PALM2AKAP2: variants seen among roughly 807,000 people sequenced by gnomAD.
PALM2AKAP2 encodes the protein PALM2 and AKAP2 fusion, also known as PALM2-AKAP2 fusion protein.
A neutral mutation model predicts 71.5 loss-of-function variants in PALM2AKAP2; 37 were observed. The ratio of observed to expected loss-of-function variants is 0.52; its 90% CI spans 0.40 to 0.68. The LOEUF (loss-of-function observed/expected upper bound fraction) is 0.68, where lower values mean the gene tolerates loss of function less well. Ranked by LOEUF, PALM2AKAP2 falls within the 30% of genes least tolerant of loss-of-function variation. The pLI is 0.00. For missense variants in PALM2AKAP2, 1,224 were observed against 1,191.8 expected, an observed-to-expected ratio of 1.03 and a Z score of -0.40; for synonymous variants, 468 against 478.8, an observed-to-expected ratio of 0.98 and a Z score of 0.29.
At chr9:110,036,880 C>T (rs1458330492) in intron 7 of PALM2AKAP2, among the ~76,000 whole-genome samples, 1 of 152,144 alleles carries the variant, frequency 6.6e-6, no homozygotes, top group Non-Finnish European at 1.5e-5. Context: ...TCCTTCCATT[C>T]TCCAGGTCTC....
chr9:109,982,920 G>T (rs922676262), intron 6 of PALM2AKAP2, among the ~76,000 whole-genome samples: 4 of 152,178 alleles, frequency 2.6e-5, no homozygotes, highest in Admixed American at 6.5e-5. Context: ...CACTGCACCT[G>T]GTCTTTAGTC....
intron 7 of PALM2AKAP2, among the ~76,000 whole-genome samples, chr9:110,038,596 AG>A (rs1256601878): frequency 2.0e-5 from 3 of 151,958 alleles, no homozygotes; most frequent in African/African-American, 7.3e-5. Flanking sequence ...TTTTGCTTTG[AG>A]GGGAAACAGG....
upstream of PALM2AKAP2, among the ~76,000 whole-genome samples, chr9:109,778,415 C>CT (rs1197944663): frequency 6.9e-6 from 1 of 145,020 alleles, no homozygotes; most frequent in African/African-American, 2.9e-5. Flanking sequence ...TGTGAGCAAA[C>CT]CCCTTTAAAT....
At chr9:110,163,485 C>T (rs985539416) in intron 3 of PALM2AKAP2, among the ~76,000 whole-genome samples, 17 of 152,164 alleles carry the variant, frequency 1.1e-4, no homozygotes, top group Admixed American at 1.1e-3. Flanking sequence ...TCCCAGTTCC[C>T]TCCTCCCTTA....
intron 6 of PALM2AKAP2, among the ~76,000 whole-genome samples, chr9:110,007,411 G>A (rs180948847): frequency 6.6e-6 from 1 of 152,294 alleles, no homozygotes; most frequent in East Asian, 1.9e-4. Context: ...CAAAATCTGA[G>A]CATCAACAAA....
chr9:109,721,359 T>C (rs932054688), intron 1 of PALM2AKAP2, among the ~76,000 whole-genome samples: 2 of 152,224 alleles, frequency 1.3e-5, no homozygotes, highest in African/African-American at 4.8e-5. Context: ...GGTGGCAGAT[T>C]CTGAGGACAA....
chr9:109,689,192 TTTCTTTTC>T (rs1407220978), intron 1 of PALM2AKAP2, among the ~76,000 whole-genome samples: 6 of 109,692 alleles, frequency 5.5e-5, no homozygotes, highest in African/African-American at 2.4e-4. Context: ...TACCTTCTTT[TTTCTTTTC>T]TTTTTTTTTT....
exon 2 of PALM2AKAP2, chr9:110,136,489 G>C: frequency 6.2e-7 from 1 of 1,614,142 alleles, no homozygotes; most frequent in African/African-American, 1.3e-5. Flanking sequence ...CTGGTGCAGT[G>C]GTTCTGGTGG....
At chr9:110,160,123 T>C (rs1358502374) in intron 3 of PALM2AKAP2, among the ~76,000 whole-genome samples, 1 of 152,142 alleles carries the variant, frequency 6.6e-6, no homozygotes, top group African/African-American at 2.4e-5. Flanking sequence ...AAGGCCTTTG[T>C]GTGAATTAGG....
chr9:109,823,896 C>T (rs1828076021), intron 1 of PALM2AKAP2, among the ~76,000 whole-genome samples: 1 of 152,144 alleles, frequency 6.6e-6, no homozygotes, highest in South Asian at 2.1e-4. Flanking sequence ...TTGAACCACA[C>T]TTTATTTTTT....
At chr9:109,931,128 G>A (rs1831091558) in intron 5 of PALM2AKAP2, among the ~76,000 whole-genome samples, 1 of 152,206 alleles carries the variant, frequency 6.6e-6, no homozygotes, top group South Asian at 2.1e-4. Flanking sequence ...GGTGTACCCA[G>A]ATTTGTCTTG....
intron 1 of PALM2AKAP2, among the ~76,000 whole-genome samples, chr9:109,801,176 A>G (rs1026088538): frequency 1.3e-5 from 2 of 152,230 alleles, no homozygotes; most frequent in Non-Finnish European, 2.9e-5. Flanking sequence ...TCCTAAAAGT[A>G]TAGCACCATG....
At chr9:110,022,290 A>T (rs199964229) in intron 7 of PALM2AKAP2, among the ~76,000 whole-genome samples, 1 of 152,078 alleles carries the variant, frequency 6.6e-6, no homozygotes, top group East Asian at 1.9e-4. Flanking sequence ...TGAGCCCAGG[A>T]TTTCAACCCT....
intron 1 of PALM2AKAP2, among the ~76,000 whole-genome samples, chr9:109,736,762 C>T (rs1255598341): frequency 6.6e-6 from 1 of 152,116 alleles, no homozygotes; most frequent in East Asian, 1.9e-4. Context: ...ACCTTCCACT[C>T]TCCCGCCATC....
intron 6 of PALM2AKAP2, among the ~76,000 whole-genome samples, chr9:109,990,671 C>G (rs186471993): frequency 1.0e-3 from 152 of 152,322 alleles, no homozygotes; most frequent in African/African-American, 3.6e-3. Context: ...CTAGGTTGAA[C>G]AAAGGCAGCT....
chr9:110,058,162 C>T (rs952889318), intron 1 of PALM2AKAP2, among the ~76,000 whole-genome samples: 18 of 152,286 alleles, frequency 1.2e-4, no homozygotes, highest in Non-Finnish European at 1.8e-4. Flanking sequence ...AGATATGTTT[C>T]GTAGCCTCAG....
At chr9:109,777,273 C>A (rs1829362024), upstream of PALM2AKAP2, among the ~76,000 whole-genome samples, 1 of 152,138 alleles carries the variant, frequency 6.6e-6, no homozygotes, top group South Asian at 2.1e-4. Context: ...TTCGTTATTC[C>A]TTCTTCCCAA....
rs193230668 is a variant in PALM2AKAP2, at chr9:109,741,841, A to G, written c.6-38647A>G. Among the ~76,000 whole-genome samples, 25 of 152,344 alleles carry G rather than the reference A, an allele frequency of 1.6e-4. 1 individual carries two copies. Among genetic ancestry groups the G allele is most frequent in the Admixed American group, 1.0e-3 (16 of 15,304 alleles). ...GATATCCAATTCCACATTATTTGTG[A>G]AAAACACTGTATTTTCCCATTGAAT... is the stretch of plus-strand genomic sequence containing the variant. On this transcript the variant is annotated intron_variant, in intron 1 of 6. Coordinates refer to the PALM2AKAP2 transcript ENST00000374531.
rs555069758 is a variant in PALM2AKAP2, at chr9:110,002,291, G to A, written c.497-13663G>A. ...GATAATCATGTGGTTTTTGTCATTGGTTCTGTTTATATGCTGGATTATGTT... is the reference window on the plus strand; with the variant it reads ...GATAATCATGTGGTTTTTGTCATTGATTCTGTTTATATGCTGGATTATGTT... On this transcript the variant is annotated intron_variant, in intron 6 of 9. Coordinates refer to the PALM2AKAP2 transcript ENST00000302798. 3.9e-3 allele frequency among the ~76,000 whole-genome samples: 592 copies of A among 152,156 alleles called. 2 individuals carry two copies. Among genetic ancestry groups the A allele is most frequent in the Middle Eastern group, 0.014 (4 of 294 alleles).
Sources: gnomAD v4.1 joint callset for allele counts (sites outside exome capture counted in the v4.1 genomes callset) on GRCh38, gnomAD v4.1.1 for gene constraint, MANE v1.5 for transcripts, NCBI Gene and HGNC (gene_info 2026-07-23, HGNC 2026-07-21) for gene names.